Variants in PCDH15 observed in about 807,000 individuals in gnomAD.
PCDH15 encodes the protein protocadherin-15.
Under a neutral mutation model 178.5 loss-of-function variants are expected in PCDH15, and 129 were observed. That is an observed-to-expected ratio of 0.72 (90% CI 0.63 to 0.84). The LOEUF is 0.84. Among genes scored for constraint, PCDH15 ranks in the 40% least tolerant of loss-of-function variants. PCDH15 has a pLI of 0.00. For synonymous variants in PCDH15, 800 were observed against 732.0 expected (o/e 1.09, Z -1.50); for missense variants, 2,230 against 2,099.9 (o/e 1.06, Z -1.21).
At chr10:54,498,946 A>C (rs1016166114) in intron 3 of PCDH15, among the ~76,000 whole-genome samples, 1 of 152,040 alleles carries the variant, frequency 6.6e-6, no homozygotes, top group African/African-American at 2.4e-5. Flanking sequence ...TGAAGGGGTA[A>C]GTACTACACA....
chr10:55,413,902 C>T (rs561174553), intron 2 of PCDH15, among the ~76,000 whole-genome samples: 6 of 151,510 alleles, frequency 4.0e-5, no homozygotes, highest in Admixed American at 2.6e-4. Flanking sequence ...AGCTCATTAG[C>T]TCATATATAT....
intron 23 of PCDH15, among the ~76,000 whole-genome samples, chr10:53,957,501 A>ATTTTT (rs1242524787): frequency 3.5e-5 from 2 of 57,098 alleles, no homozygotes; most frequent in South Asian, 7.0e-4. Flanking sequence ...TATATTTACT[A>ATTTTT]TGTTTTTTTT....
intron 1 of PCDH15, among the ~76,000 whole-genome samples, chr10:54,739,967 T>C (rs1470359221): frequency 6.6e-6 from 1 of 151,916 alleles, no homozygotes; most frequent in East Asian, 1.9e-4. Flanking sequence ...AGGACTTTGG[T>C]CTAGACAAAG....
intron 3 of PCDH15, among the ~76,000 whole-genome samples, chr10:54,828,496 TA>T (rs1953167457): frequency 1.3e-5 from 2 of 151,966 alleles, no homozygotes; most frequent in African/African-American, 4.8e-5. Context: ...TGTGTATGTG[TA>T]TGTGTATGTG....
intron 2 of PCDH15, among the ~76,000 whole-genome samples, chr10:55,025,870 T>C (rs968494121): frequency 2.0e-5 from 3 of 152,020 alleles, no homozygotes; most frequent in African/African-American, 7.2e-5. Context: ...AGATCAAGTG[T>C]AAGGGGACTT....
At chr10:54,583,991 T>C (rs1159251037) in intron 2 of PCDH15, among the ~76,000 whole-genome samples, 1 of 152,168 alleles carries the variant, frequency 6.6e-6, no homozygotes, top group Non-Finnish European at 1.5e-5. Context: ...TTCTTTTATT[T>C]AGTATATTAA....
chr10:55,479,000 G>A (rs895249892), intron 2 of PCDH15, among the ~76,000 whole-genome samples: 1 of 149,080 alleles, frequency 6.7e-6, no homozygotes, highest in African/African-American at 2.4e-5. Context: ...GTAACAAAGA[G>A]TCTCCCATAA....
chr10:55,135,060 C>T (rs1328300460), intron 2 of PCDH15, among the ~76,000 whole-genome samples: 1 of 152,016 alleles, frequency 6.6e-6, no homozygotes, highest in Non-Finnish European at 1.5e-5. Context: ...GAAATTTGGC[C>T]TTTTGTTATT....
At chr10:53,921,673 T>C (rs1483207119) in intron 25 of PCDH15, among the ~76,000 whole-genome samples, 1 of 152,184 alleles carries the variant, frequency 6.6e-6, no homozygotes, top group Non-Finnish European at 1.5e-5. Flanking sequence ...GAATTGCTAC[T>C]TGAGTTTCTA....
At chr10:54,184,295 A>T (rs2048282306) in intron 12 of PCDH15, among the ~76,000 whole-genome samples, 1 of 152,114 alleles carries the variant, frequency 6.6e-6, no homozygotes, top group Admixed American at 6.5e-5. Context: ...CTCCAGAAAT[A>T]ATTTCTACAT....
intron 3 of PCDH15, among the ~76,000 whole-genome samples, chr10:54,456,291 C>T (rs943679784): frequency 2.0e-5 from 3 of 152,038 alleles, no homozygotes; most frequent in Non-Finnish European, 4.4e-5. Context: ...GCAGAGCTGC[C>T]CAAGGCTGTG....
intron 30 of PCDH15, among the ~76,000 whole-genome samples, chr10:53,829,633 T>C (rs2076902388): frequency 6.6e-6 from 1 of 152,200 alleles, no homozygotes; most frequent in Non-Finnish European, 1.5e-5. Flanking sequence ...TAAGGACACA[T>C]TAAGCTCCAG....
intron 2 of PCDH15, among the ~76,000 whole-genome samples, chr10:55,337,403 CTGA>C (rs1302758133): frequency 6.6e-6 from 1 of 152,194 alleles, no homozygotes; most frequent in East Asian, 1.9e-4. Context: ...ATCAGTATGC[CTGA>C]TGTGTTATCC....
chr10:54,405,628 C>A (rs1271363206), intron 3 of PCDH15, among the ~76,000 whole-genome samples: 2 of 151,430 alleles, frequency 1.3e-5, no homozygotes, highest in African/African-American at 4.9e-5. Flanking sequence ...TACAACCAAC[C>A]CCCATGACAC....
intron 3 of PCDH15, among the ~76,000 whole-genome samples, chr10:54,426,262 G>A (rs1364732615): frequency 6.6e-6 from 1 of 152,096 alleles, no homozygotes; most frequent in Non-Finnish European, 1.5e-5. Context: ...TGGTACCAGG[G>A]ATTCATTTTG....
At chr10:55,155,794 C>T (rs1838869205) in intron 2 of PCDH15, among the ~76,000 whole-genome samples, 2 of 149,692 alleles carry the variant, frequency 1.3e-5, no homozygotes, top group African/African-American at 5.0e-5. Flanking sequence ...CATAGTATGT[C>T]TATACAAAAT....
intron 26 of PCDH15, among the ~76,000 whole-genome samples, chr10:53,871,331 ACGT>A (rs2079833896): frequency 6.6e-6 from 1 of 152,140 alleles, no homozygotes; most frequent in Non-Finnish European, 1.5e-5. Context: ...ACAGAGCGAG[ACGT>A]CGTCTCAAAA....
At chr10:55,309,088 C>T (rs1843508681) in intron 1 of PCDH15, among the ~76,000 whole-genome samples, 1 of 152,196 alleles carries the variant, frequency 6.6e-6, no homozygotes, top group African/African-American at 2.4e-5. Flanking sequence ...AGACATATTT[C>T]ACCTTTCCAA....
chr10:54,867,269 A>G (rs1010093374), intron 3 of PCDH15, among the ~76,000 whole-genome samples: 6 of 152,128 alleles, frequency 3.9e-5, no homozygotes, highest in Admixed American at 3.9e-4. Context: ...TTGAACTGTG[A>G]TCTCTCCAAA....
Sources: gnomAD v4.1 joint callset for allele counts (sites outside exome capture counted in the v4.1 genomes callset) on GRCh38, gnomAD v4.1.1 for gene constraint, MANE v1.5 for transcripts, NCBI Gene and HGNC (gene_info 2026-07-23, HGNC 2026-07-21) for gene names.